Variants in PAIP2 observed in about 807,000 individuals in gnomAD.
PAIP2 encodes the protein poly(A) binding protein interacting protein 2.
A neutral mutation model predicts 14.8 loss-of-function variants in PAIP2; 7 were observed. The observed-to-expected ratio is 0.47, with a 90% CI of 0.27 to 0.89. PAIP2 has a LOEUF of 0.89. PAIP2 is among the 40% of genes least tolerant of loss of function. PAIP2 has a pLI of 0.13. For synonymous variants in PAIP2, 47 were observed against 45.3 expected (o/e 1.04, Z -0.15); for missense variants, 122 against 154.7 (o/e 0.79, Z 1.12).
At chr5:139,355,870 G>T (rs1756893932) in intron 1 of PAIP2, among the ~76,000 whole-genome samples, 1 of 149,802 alleles carries the variant, frequency 6.7e-6, no homozygotes, top group South Asian at 2.1e-4. Flanking sequence ...AAATAAATAG[G>T]CTGGGCGTGG....
At chr5:139,348,955 C>T (rs1225419373) in intron 1 of PAIP2, among the ~76,000 whole-genome samples, 2 of 152,104 alleles carry the variant, frequency 1.3e-5, no homozygotes, top group South Asian at 2.1e-4. Context: ...GGATTACAAG[C>T]GTGAGCCACT....
intron 3 of PAIP2, among the ~76,000 whole-genome samples, chr5:139,368,401 C>T (rs1428088962): frequency 3.3e-5 from 5 of 151,948 alleles, no homozygotes; most frequent in East Asian, 1.9e-4. Context: ...TGGTGGCACG[C>T]GCCTGTAGTC....
intron 1 of PAIP2, among the ~76,000 whole-genome samples, chr5:139,362,718 A>G (rs1043736171): frequency 4.7e-5 from 7 of 148,898 alleles, no homozygotes; most frequent in Non-Finnish European, 1.0e-4. Context: ...CCTTTTTTGT[A>G]TTTTTAGTAG....
intron 3 of PAIP2, among the ~76,000 whole-genome samples, chr5:139,366,926 G>A (rs1757281129): frequency 2.6e-5 from 4 of 152,118 alleles, no homozygotes. Flanking sequence ...TGGGTGTGGT[G>A]GCACAGGCCT....
At chr5:139,352,954 T>TA (rs1756792573) in intron 1 of PAIP2, among the ~76,000 whole-genome samples, 1 of 151,726 alleles carries the variant, frequency 6.6e-6, no homozygotes, top group African/African-American at 2.4e-5. Context: ...CCGTCTCTAC[T>TA]AAAAATACAA....
chr5:139,368,356 ATAAAT>A lies in PAIP2; in HGVS notation c.319-376_319-372del, dbSNP rs545132378. On this transcript the variant is annotated intron_variant, in intron 3 of 3. Coordinates refer to ENST00000265192, the MANE Select transcript of PAIP2 (RefSeq NM_016480.5). The stretch of plus-strand genomic sequence containing the variant: ...CTCCGTCTCATAAAAAAAAAACTAA[ATAAAT>A]AAATAAAAATACAAAAAATTAGTTG... 5.0e-3 allele frequency among the ~76,000 whole-genome samples: 750 copies of A among 151,404 alleles called. 8 individuals carry two copies. The highest frequency in any genetic ancestry group is 0.017 in the African/African-American group (720 of 41,212).
At position 139,362,750 on chromosome 5, in the gene PAIP2, G is replaced by T. The variant is rs1757107681; in HGVS notation, c.-26-1009G>T. Among the ~76,000 whole-genome samples, 2 of 151,610 alleles carry T rather than the reference G, an allele frequency of 1.3e-5. 1 individual carries two copies. The highest frequency in any genetic ancestry group is 4.2e-4 in the South Asian group (2 of 4,812). On this transcript the variant is annotated intron_variant, in intron 1 of 3. Coordinates refer to ENST00000265192, the MANE Select transcript of PAIP2 (RefSeq NM_016480.5). Reference sequence around the variant, plus strand: ...GTAGAGACAGGGTTTCACCATGTTAGGCTGGTCTCAAACTCCTGACCTTAA... The same window carrying T: ...GTAGAGACAGGGTTTCACCATGTTATGCTGGTCTCAAACTCCTGACCTTAA...
At chr5:139,363,445 G>A (rs912594621) in intron 1 of PAIP2, among the ~76,000 whole-genome samples, 1 of 152,158 alleles carries the variant, frequency 6.6e-6, no homozygotes, top group Non-Finnish European at 1.5e-5. Flanking sequence ...AATCAGCTGG[G>A]CCTGGTGGCT....
chr5:139,343,309 A>ACGTT (rs1756438261), intron 1 of PAIP2: 1 of 152,146 alleles, frequency 6.6e-6, no homozygotes, highest in South Asian at 2.1e-4. Context: ...GAACTATAGA[A>ACGTT]CCCACTTGTG....
intron 1 of PAIP2, among the ~76,000 whole-genome samples, chr5:139,342,186 C>T (rs990964273): frequency 3.3e-5 from 5 of 152,046 alleles, no homozygotes; most frequent in African/African-American, 1.2e-4. Flanking sequence ...ACATGGCCGT[C>T]GCTTTTTTTT....
chr5:139,354,658 C>T (rs983034092), intron 1 of PAIP2, among the ~76,000 whole-genome samples: 1 of 152,068 alleles, frequency 6.6e-6, no homozygotes, highest in African/African-American at 2.4e-5. Flanking sequence ...CAGTTGATGT[C>T]TCCTGGGTCT....
chr5:139,358,142 C>T (rs1163216666), intron 1 of PAIP2, among the ~76,000 whole-genome samples: 1 of 152,206 alleles, frequency 6.6e-6, no homozygotes, highest in Non-Finnish European at 1.5e-5. Context: ...GGCCCTGGTG[C>T]ATGTTTTAGA....
At position 139,359,286 on chromosome 5, in the gene PAIP2, G is replaced by A. The variant is rs370413174; in HGVS notation, c.-26-4473G>A. ...TGTGTAGCTGGCATTACAGGTGTGC[G>A]CCATCACACCCGGCTAATTTTTTTT... On this transcript the variant is annotated intron_variant, in intron 1 of 3. Transcript: ENST00000265192. Among the ~76,000 whole-genome samples the A allele has an allele frequency of 1.6e-3, 244 of 152,132 alleles. 9 individuals carry two copies. Among genetic ancestry groups the A allele is most frequent in the African/African-American group, 5.6e-3 (234 of 41,504 alleles).
chr5:139,346,178 A>G (rs80146569), intron 1 of PAIP2, among the ~76,000 whole-genome samples: 2 of 152,196 alleles, frequency 1.3e-5, no homozygotes, highest in Admixed American at 1.3e-4. Context: ...TACCTATCCA[A>G]AATCTGGTGA....
chr5:139,347,937 C>T (rs888307157), intron 1 of PAIP2, among the ~76,000 whole-genome samples: 1 of 151,982 alleles, frequency 6.6e-6, no homozygotes, highest in Non-Finnish European at 1.5e-5. Flanking sequence ...TTCGGGAGGC[C>T]GAGGTGGGCG....
intron 1 of PAIP2, among the ~76,000 whole-genome samples, chr5:139,358,097 G>A (rs929662933): frequency 3.3e-5 from 5 of 152,106 alleles, no homozygotes; most frequent in Non-Finnish European, 7.4e-5. Flanking sequence ...TCAACAGCTG[G>A]GTCTGGAGGC....
intron 1 of PAIP2, among the ~76,000 whole-genome samples, chr5:139,362,081 C>A (rs1363828602): frequency 2.0e-5 from 3 of 152,008 alleles, no homozygotes; most frequent in Non-Finnish European, 4.4e-5. Flanking sequence ...ACATGAAGAA[C>A]CTAAGAAGTT....
intron 1 of PAIP2, among the ~76,000 whole-genome samples, chr5:139,352,570 TC>T (rs1178121025): frequency 1.4e-5 from 2 of 141,888 alleles, no homozygotes; most frequent in Admixed American, 8.0e-5. Flanking sequence ...TGATCTTGGC[TC>T]ACCGCAACCT....
At chr5:139,364,474 G>T (rs2085712840) in intron 2 of PAIP2, 90 bp from the exon 3 acceptor site, 2 of 698,166 alleles carry the variant, frequency 2.9e-6, no homozygotes, top group African/African-American at 1.8e-5. Context: ...ATGACTTTGT[G>T]CCTTTAAATG....
Sources: gnomAD v4.1 joint callset for allele counts (sites outside exome capture counted in the v4.1 genomes callset) on GRCh38, gnomAD v4.1.1 for gene constraint, MANE v1.5 for transcripts, NCBI Gene and HGNC (gene_info 2026-07-23, HGNC 2026-07-21) for gene names.